Variants in MYH4 observed in about 807,000 individuals in gnomAD.
The protein encoded by MYH4 is myosin heavy chain 4.
In MYH4, 200 loss-of-function variants were observed where a neutral mutation model predicts 229.9. The ratio of observed to expected loss-of-function variants is 0.87; its 90% confidence interval spans 0.78 to 0.98. The LOEUF (loss-of-function observed/expected upper bound fraction) is 0.98, where lower values mean the gene tolerates loss of function less well. MYH4 is among the 50% of genes least tolerant of loss of function. The pLI, the probability that MYH4 is intolerant of heterozygous loss-of-function variation, is 0.00. For synonymous variants in MYH4, 761 were observed against 834.6 expected (o/e 0.91, Z 1.52); for missense variants, 2,148 against 2,332.6 (o/e 0.92, Z 1.63).
Position 10,444,597 on chromosome 17 carries a change from T to TA in MYH4, c.5667+6dup. ...GAACCTTTCATTTCCACTGTGGAGATACTCACAGCCTCTTCAGCTTGTCTC... is the reference window on the plus strand; with the variant it reads ...GAACCTTTCATTTCCACTGTGGAGATAACTCACAGCCTCTTCAGCTTGTCTC... On this transcript the variant is annotated splice_region_variant and intron_variant, in intron 39 of 39. Transcript: ENST00000255381. 1 of 1,611,516 alleles carries TA rather than the reference T, an allele frequency of 6.2e-7. No individual in the cohort carries two copies. Among genetic ancestry groups the TA allele is most frequent in the Non-Finnish European group, 8.5e-7 (1 of 1,177,960 alleles).
rs16943455 is a variant in MYH4, at chr17:10,468,866, A to T, written c.-40+422T>A. Reference sequence around the variant, plus strand: ...TGCAGGTTTGTTAATTCCACTTGCAACACACTGTATTTCAAGATACATAAA... The same window carrying T: ...TGCAGGTTTGTTAATTCCACTTGCATCACACTGTATTTCAAGATACATAAA... On this transcript the variant is annotated intron_variant, in intron 2 of 39. Transcript: ENST00000255381. Among the ~76,000 whole-genome samples the T allele has an allele frequency of 3.0e-3, 455 of 152,342 alleles. 1 individual carries two copies. Among genetic ancestry groups the T allele is most frequent in the African/African-American group, 0.011 (441 of 41,586 alleles).
At chr17:10,458,561 G>C (rs764135) in intron 15 of MYH4, among the ~76,000 whole-genome samples, 1 of 151,814 alleles carries the variant, frequency 6.6e-6, no homozygotes, top group South Asian at 2.1e-4. Context: ...TTGCATTTAC[G>C]CTTCCTTTCC....
In MYH4 at chr17:10,452,469, C is replaced by T. The variant is rs1350384582; in HGVS notation, c.3295G>A (p.Glu1099Lys). The change falls in exon 26 of 40, where the codon GAA (glutamate) becomes AAA (lysine). Residue 1099 changes from glutamate (E) to lysine (K), a missense_variant. Transcript: ENST00000255381. Reference protein sequence around the residue: ...FEMSNLQGKIEDEQALAIQLQ... With the variant: ...FEMSNLQGKIKDEQALAIQLQ... ...TGTATTGCAAGGGCTTGTTCATCTT[C>T]AATCTTGCCTTGCAGATTGCTCATT... The T allele has an allele frequency of 6.2e-7, 1 of 1,613,974 alleles. No individual in the cohort carries two copies. Among genetic ancestry groups the T allele is most frequent in the South Asian group, 1.1e-5 (1 of 91,084 alleles).
intron 20 of MYH4, 38 bp downstream of exon 20, chr17:10,455,134 A>T (rs779177683): frequency 6.2e-7 from 1 of 1,614,060 alleles, no homozygotes; most frequent in Non-Finnish European, 8.5e-7. Context: ...TCTAAAAGTG[A>T]TAGAATTATG....
At chr17:10,467,665 G>A (rs1701674068) in intron 2 of MYH4, among the ~76,000 whole-genome samples, 1 of 151,948 alleles carries the variant, frequency 6.6e-6, no homozygotes, top group South Asian at 2.1e-4. Context: ...ATTTTCTTAG[G>A]TTTATAATCT....
chr17:10,458,547 G>A (rs1171635645), intron 15 of MYH4, among the ~76,000 whole-genome samples: 1 of 152,066 alleles, frequency 6.6e-6, no homozygotes, highest in African/African-American at 2.4e-5. Context: ...TTCCTAGGTG[G>A]CAATTGCATT....
rs747924988 is a variant in MYH4 at position 10,453,306 on chromosome 17, A to G, written c.2957T>C (p.Met986Thr). 6.2e-7 allele frequency: 1 copy of G among 1,614,020 alleles called. No homozygotes were observed. The highest frequency in any genetic ancestry group is 1.3e-5 in the African/African-American group (1 of 75,012). ...AGCAATGGTTTCATCCAGACCTGCC[A>G]TCTCTTCTGTGAGGTTTTTCACCTT... Reference protein sequence around the residue: ...ENKVKNLTEEMAGLDETIAKL... With the variant: ...ENKVKNLTEETAGLDETIAKL... Residue 986 changes from methionine (M) to threonine (T), a missense_variant, in exon 24 of 40, where the codon ATG (methionine) becomes ACG (threonine). Physicochemically the swap from Met to Thr is moderately conservative, Grantham distance 81. Coordinates refer to ENST00000255381, the MANE Select transcript of MYH4 (RefSeq NM_017533.2).
intron 17 of MYH4, among the ~76,000 whole-genome samples, chr17:10,456,155 G>A (rs1186476934): frequency 2.6e-5 from 4 of 152,156 alleles, no homozygotes; most frequent in Non-Finnish European, 5.9e-5. Context: ...GTCACATGAA[G>A]GAGATGTAAT....
At chr17:10,451,023 T>C in intron 28 of MYH4, 128 bp from the exon 29 acceptor site, 2 of 881,384 alleles carry the variant, frequency 2.3e-6, no homozygotes, top group South Asian at 3.4e-5. Flanking sequence ...TCAGTGATGT[T>C]GAGAAGGTTA....
chr17:10,445,281 C>G lies in MYH4; in HGVS notation c.5251G>C (p.Glu1751Gln). The G allele has an allele frequency of 6.2e-7, 1 of 1,614,156 alleles. No individual in the cohort carries two copies. The highest frequency in any genetic ancestry group is 1.1e-5 in the South Asian group (1 of 91,072). ...IQGEMEDIVQEARNAEEKAKK... is the reference protein window; with the variant it reads ...IQGEMEDIVQQARNAEEKAKK... Reference sequence around the variant, plus strand: ...GCCTTCTCCTCTGCATTGCGGGCTTCCTGGACGATGTCCTCCATCTCTCCC... The same window carrying G: ...GCCTTCTCCTCTGCATTGCGGGCTTGCTGGACGATGTCCTCCATCTCTCCC... Residue 1751 changes from glutamate to glutamine, a missense_variant, in exon 36 of 40, where the codon GAA becomes CAA. Glu to Gln is a conservative substitution (Grantham distance 29, BLOSUM62 2). Coordinates refer to ENST00000255381, the MANE Select transcript of MYH4 (RefSeq NM_017533.2).
chr17:10,464,655 G>C, intron 6 of MYH4, 26 bp downstream of exon 6: 1 of 1,613,678 alleles, frequency 6.2e-7, no homozygotes, highest in Non-Finnish European at 8.5e-7. Context: ...GATCAAAACA[G>C]AAAGAAAGTA....
intron 22 of MYH4, 130 bp from the exon 23 acceptor site, chr17:10,454,015 A>G: frequency 8.0e-7 from 1 of 1,246,138 alleles, no homozygotes; most frequent in Non-Finnish European, 1.1e-6. Flanking sequence ...AACTTTTAAA[A>G]TGAAACAGAC....
intron 22 of MYH4, among the ~76,000 whole-genome samples, chr17:10,454,232 C>G (rs1432923411): frequency 6.6e-6 from 1 of 152,100 alleles, no homozygotes; most frequent in Non-Finnish European, 1.5e-5. Flanking sequence ...ATTTCTCTGC[C>G]CTGATAAAAA....
intron 15 of MYH4, among the ~76,000 whole-genome samples, chr17:10,458,815 C>A (rs1419355690): frequency 6.6e-6 from 1 of 152,096 alleles, no homozygotes; most frequent in African/African-American, 2.4e-5. Flanking sequence ...TTAATGACTG[C>A]AACAGTTGAA....
rs1258927719 is a variant in MYH4, at chr17:10,448,850, G to A, written c.4365+14C>T. 4 of 1,613,732 alleles carry A rather than the reference G, an allele frequency of 2.5e-6. No individual in the cohort carries two copies. The highest frequency in any genetic ancestry group is 4.5e-5 in the East Asian group (2 of 44,890). ...TGTCAGTTTCCCCCAAGGGGAGCTG[G>A]TACTGTGGACCACCTTGTCAAAGTT... On this transcript the variant is annotated intron_variant, in intron 31 of 39. Transcript: ENST00000255381.
chr17:10,460,166 C>A (rs760864988), intron 13 of MYH4, 37 bp downstream of exon 13: 1 of 1,612,340 alleles, frequency 6.2e-7, no homozygotes, highest in African/African-American at 1.3e-5. Context: ...GAGTCACTTG[C>A]GGTTCAAATA....
In MYH4 at chr17:10,466,530, G is replaced by T; in HGVS notation, c.204+12C>A. 1 of 1,614,092 alleles carries T rather than the reference G, an allele frequency of 6.2e-7. No individual in the cohort carries two copies. The highest frequency in any genetic ancestry group is 8.5e-7 in the Non-Finnish European group (1 of 1,180,042). ...AGGCAGAGTCTAATTAGCTCCAGGT[G>T]TTTTTACTCACAGCTCCAGCTTCGG... is the stretch of plus-strand genomic sequence containing the variant. On this transcript the variant is annotated intron_variant, in intron 3 of 39. Transcript: ENST00000255381.
At position 10,453,675 on chromosome 17, in the gene MYH4, C is replaced by G. The variant is rs374316163; in HGVS notation, c.2902G>C (p.Val968Leu). 13 of 1,613,912 alleles carry G rather than the reference C, an allele frequency of 8.1e-6. No homozygotes were observed. Among genetic ancestry groups the G allele is most frequent in the Non-Finnish European group, 1.0e-5 (12 of 1,179,996 alleles). ...TCTGTGGCATGTTTCTCCTTCTCAA[C>G]CTTGGCCAGTGTCAGCTCAAGGTCA... Reference protein sequence around the residue: ...IDDLELTLAKVEKEKHATENK... With the variant: ...IDDLELTLAKLEKEKHATENK... The change falls in exon 23 of 40, where the codon GTT (valine) becomes CTT (leucine). Residue 968 changes from valine (V) to leucine (L), a missense_variant. Physicochemically the swap from Val to Leu is conservative, Grantham distance 32. Transcript: ENST00000255381.
intron 14 of MYH4, 128 bp downstream of exon 14, chr17:10,459,824 C>G (rs568999313): frequency 6.5e-7 from 1 of 1,547,796 alleles, no homozygotes; most frequent in African/African-American, 1.4e-5. Context: ...CTTTTCATAT[C>G]TTTTCAAAGA....
Sources: gnomAD v4.1 joint callset for allele counts (sites outside exome capture counted in the v4.1 genomes callset) on GRCh38, gnomAD v4.1.1 for gene constraint, MANE v1.5 for transcripts, NCBI Gene and HGNC (gene_info 2026-07-23, HGNC 2026-07-21) for gene names.